HMGXB3: variants seen among roughly 807,000 people sequenced by gnomAD.
HMGXB3 encodes the protein HMG-box containing 3, also known as HMG domain-containing protein 3.
Under a neutral mutation model 121.5 loss-of-function variants are expected in HMGXB3, and 45 were observed. The observed-to-expected ratio is 0.37, with a 90% CI of 0.29 to 0.47. HMGXB3 has a LOEUF of 0.47. Among genes scored for constraint, HMGXB3 ranks in the 20% least tolerant of loss-of-function variants. The pLI, the probability that HMGXB3 is intolerant of heterozygous loss-of-function variation, is 0.99. For synonymous variants in HMGXB3, 590 were observed against 624.1 expected, an observed-to-expected ratio of 0.95 and a Z score of 0.81; for missense variants, 1,376 against 1,602.2, an observed-to-expected ratio of 0.86 and a Z score of 2.41.
chr5:150,049,443 A>T (rs1756841309), intron 18 of HMGXB3, among the ~76,000 whole-genome samples: 1 of 151,636 alleles, frequency 6.6e-6, no homozygotes, highest in African/African-American at 2.4e-5. Context: ...AATGGGAGAG[A>T]GGTGGCTTAT....
intron 6 of HMGXB3, among the ~76,000 whole-genome samples, chr5:150,019,479 C>T (rs990734635): frequency 6.6e-6 from 1 of 152,126 alleles, no homozygotes; most frequent in African/African-American, 2.4e-5. Flanking sequence ...CATGTTGTCA[C>T]CTGTGTATGC....
chr5:150,011,609 T>TG (rs1371320360), intron 4 of HMGXB3, among the ~76,000 whole-genome samples: 4 of 149,578 alleles, frequency 2.7e-5, no homozygotes, highest in African/African-American at 1.0e-4. Context: ...TTTTGGTTTT[T>TG]TTTTTTTTTT....
At chr5:150,024,820 AG>A in intron 7 of HMGXB3, 140 bp downstream of exon 7, 2 of 699,476 alleles carry the variant, frequency 2.9e-6, no homozygotes, top group East Asian at 5.5e-5. Context: ...ACCAAGGCCT[AG>A]AGATATATAA....
At chr5:150,048,478 T>G in intron 17 of HMGXB3, 91 bp from the exon 18 acceptor site, 1 of 881,204 alleles carries the variant, frequency 1.1e-6, no homozygotes, top group Non-Finnish European at 1.8e-6. Flanking sequence ...ATTCTTTTGC[T>G]TTGGGTGTTG....
At chr5:150,036,206 C>T (rs769210258) in intron 11 of HMGXB3, among the ~76,000 whole-genome samples, 4 of 152,118 alleles carry the variant, frequency 2.6e-5, no homozygotes, top group African/African-American at 7.2e-5. Flanking sequence ...TGTATATAAT[C>T]CTCTCATTTA....
chr5:150,016,405 C>G (rs1755962228), intron 5 of HMGXB3, among the ~76,000 whole-genome samples: 1 of 149,676 alleles, frequency 6.7e-6, no homozygotes. Flanking sequence ...CTGTTTCTTA[C>G]AGTTCTCTTA....
chr5:150,012,264 G>A lies in HMGXB3; in HGVS notation c.820G>A (p.Glu274Lys). 1 of 1,551,852 alleles carries A rather than the reference G, an allele frequency of 6.4e-7. No individual in the cohort carries two copies. Among genetic ancestry groups the A allele is most frequent in the East Asian group, 2.4e-5 (1 of 40,900 alleles). Reference sequence around the variant, plus strand: ...TCTTCATTGCCCATAGGATTCCAGTGAGAGTAGCTCCTCTGCACCAGCCAC... The same window carrying A: ...TCTTCATTGCCCATAGGATTCCAGTAAGAGTAGCTCCTCTGCACCAGCCAC... ...SVVTVMRDSS[E>K]SSSSAPATQF... Residue 274 changes from glutamate to lysine, a missense_variant, in exon 5 of 20, where the codon GAG (glutamate) becomes AAG (lysine). Physicochemically the swap from Glu to Lys is moderately conservative, Grantham distance 56. Transcript: ENST00000502717.
intron 1 of HMGXB3, among the ~76,000 whole-genome samples, chr5:150,003,063 A>C (rs1051521327): frequency 5.3e-5 from 8 of 152,210 alleles, no homozygotes; most frequent in Admixed American, 1.3e-4. Flanking sequence ...AGATCACTTG[A>C]GCCTGGGAGG....
At chr5:150,013,798 C>G (rs1755897450) in intron 5 of HMGXB3, among the ~76,000 whole-genome samples, 2 of 152,212 alleles carry the variant, frequency 1.3e-5, no homozygotes, top group South Asian at 4.1e-4. Context: ...TAAAGTTGTT[C>G]ATAACATTCC....
intron 10 of HMGXB3, among the ~76,000 whole-genome samples, chr5:150,031,250 A>T (rs1756370765): frequency 6.6e-6 from 1 of 152,268 alleles, no homozygotes; most frequent in Admixed American, 6.5e-5. Flanking sequence ...AAAGTAAAAT[A>T]GAGAAGTACT....
chr5:150,045,743 C>T, intron 16 of HMGXB3, 58 bp downstream of exon 16: 1 of 1,361,370 alleles, frequency 7.3e-7, no homozygotes, highest in Non-Finnish European at 1.0e-6. Context: ...GAGTCTGGGA[C>T]ATTGTCCATG....
chr5:150,002,133 A>G (rs1361232517), intron 1 of HMGXB3, among the ~76,000 whole-genome samples: 4 of 152,218 alleles, frequency 2.6e-5, no homozygotes, highest in African/African-American at 9.7e-5. Flanking sequence ...TTTAGAGATG[A>G]CAGAGAACTA....
chr5:150,002,636 G>A (rs1755600648), intron 1 of HMGXB3, among the ~76,000 whole-genome samples: 1 of 152,094 alleles, frequency 6.6e-6, no homozygotes, highest in African/African-American at 2.4e-5. Flanking sequence ...ATTGAGACTT[G>A]TGGTAAAAGT....
chr5:150,038,050 C>T lies in HMGXB3; in HGVS notation c.2413+523C>T, dbSNP rs12189063. The stretch of plus-strand genomic sequence containing the variant: ...CATTTTTATAGGGATGTATGGTGCT[C>T]CAGTTTACACTTTTGTGATTCAGTC... On this transcript the variant is annotated intron_variant, in intron 13 of 19. Coordinates refer to ENST00000502717, the MANE Select transcript of HMGXB3 (RefSeq NM_014983.3). 7.9e-3 allele frequency among the ~76,000 whole-genome samples: 1,199 copies of T among 152,306 alleles called. 6 individuals carry two copies. Among genetic ancestry groups the T allele is most frequent in the Non-Finnish European group, 0.012 (837 of 68,026 alleles).
At chr5:150,025,786 T>G (rs1012129140) in intron 7 of HMGXB3, among the ~76,000 whole-genome samples, 1 of 151,896 alleles carries the variant, frequency 6.6e-6, no homozygotes, top group Non-Finnish European at 1.5e-5. Flanking sequence ...TTGCCCAGAC[T>G]GGTCTTGAAC....
At chr5:150,014,711 C>G (rs1755922172) in intron 5 of HMGXB3, 1 of 230,914 alleles carries the variant, frequency 4.3e-6, no homozygotes, top group Non-Finnish European at 8.3e-6. Flanking sequence ...GTTTCCATTT[C>G]CAGGTTTGGT....
intron 17 of HMGXB3, among the ~76,000 whole-genome samples, chr5:150,047,983 A>G (rs1417120493): frequency 6.6e-6 from 1 of 152,256 alleles, no homozygotes; most frequent in Non-Finnish European, 1.5e-5. Context: ...CTCTGGGGTC[A>G]GGAATCCTGG....
chr5:150,052,157 G>C lies in HMGXB3; in HGVS notation c.3844G>C (p.Gly1282Arg), dbSNP rs1229928935. The change falls in exon 20 of 20, where the codon GGT (glycine) becomes CGT (arginine). Residue 1282 changes from glycine (G) to arginine (R), a missense_variant. Gly to Arg is a moderately radical substitution (Grantham distance 125). Around this residue, in one of 2 missense-constraint regions of HMGXB3, gnomAD observed 260 missense variants for 233.2 expected, o/e 1.11. Coordinates refer to ENST00000502717, the MANE Select transcript of HMGXB3 (RefSeq NM_014983.3). ...AQIKTETEEE[G>R]EEEEVAAVAE ...GATCAAGACAGAGACAGAGGAGGAGGGTGAGGAAGAGGAGGTGGCCGCAGT... is the reference window on the plus strand; with the variant it reads ...GATCAAGACAGAGACAGAGGAGGAGCGTGAGGAAGAGGAGGTGGCCGCAGT... 1.9e-6 allele frequency: 3 copies of C among 1,548,602 alleles called. No individual in the cohort carries two copies. Among genetic ancestry groups the C allele is most frequent in the Non-Finnish European group, 2.6e-6 (3 of 1,144,872 alleles).
chr5:150,028,501 A>ATGTGTGTGTGTGTG lies in HMGXB3; in HGVS notation c.1734+1387_1734+1388insGTGTGTGTGTGTGT, dbSNP rs1184146545. On this transcript the variant is annotated intron_variant, in intron 9 of 19. Transcript: ENST00000502717. The stretch of plus-strand genomic sequence containing the variant: ...TTGATATATATATGTATATATATGT[A>ATGTGTGTGTGTGTG]TGTATGTGTGTGTGTGTGTGTGTGT... Among the ~76,000 whole-genome samples, 46 of 96,832 alleles carry ATGTGTGTGTGTGTG rather than the reference A, an allele frequency of 4.8e-4. 3 individuals carry two copies. Among genetic ancestry groups the ATGTGTGTGTGTGTG allele is most frequent in the African/African-American group, 1.6e-3 (41 of 25,096 alleles). The allele number at this position is 96,832 out of a possible 152,430, so 63.5% of individuals were successfully genotyped here.
Sources: allele counts gnomAD v4.1 joint callset (sites outside exome capture counted in the v4.1 genomes callset), GRCh38; gene constraint gnomAD v4.1.1; regional missense constraint gnomAD v4.1.1; transcripts MANE v1.5; gene names NCBI Gene and HGNC (gene_info 2026-07-23, HGNC 2026-07-21).